MTCL1: variants seen among roughly 807,000 people sequenced by gnomAD.
MTCL1 encodes the protein microtubule cross-linking factor 1.
MTCL1 carries 79 observed loss-of-function variants against 141.4 expected under a neutral mutation model. The observed-to-expected ratio is 0.56, with a 90% confidence interval of 0.47 to 0.67. The LOEUF is 0.67. Ranked by LOEUF, MTCL1 falls within the 30% of genes least tolerant of loss-of-function variation. The pLI, the probability that MTCL1 is intolerant of heterozygous loss-of-function variation, is 0.00. For synonymous variants in MTCL1, 914 were observed against 875.8 expected, an observed-to-expected ratio of 1.04 and a Z score of -0.77; for missense variants, 2,177 against 2,113.9, an observed-to-expected ratio of 1.03 and a Z score of -0.59.
chr18:8,706,327 G>A (rs1326183035), exon 1 of MTCL1: 20 of 1,230,278 alleles, frequency 1.6e-5, no homozygotes, highest in Non-Finnish European at 2.0e-5. Context: ...CCTGTCCGAC[G>A]AGCAGCGCCT....
chr18:8,785,976 C>G, exon 7 of MTCL1: 1 of 1,602,414 alleles, frequency 6.2e-7, no homozygotes, highest in Non-Finnish European at 8.5e-7. Flanking sequence ...CTCGGGCCGG[C>G]CCGAGGGGAC....
chr18:8,727,009 T>C (rs947869378), intron 4 of MTCL1, among the ~76,000 whole-genome samples: 8 of 152,164 alleles, frequency 5.3e-5, no homozygotes, highest in Non-Finnish European at 1.0e-4. Flanking sequence ...GTGTCTATGT[T>C]TACCCATTGT....
chr18:8,706,855 G>A, intron 1 of MTCL1, 142 bp downstream of exon 1: 1 of 1,376,858 alleles, frequency 7.3e-7, no homozygotes, highest in Non-Finnish European at 9.4e-7. Flanking sequence ...GCATTGTCAG[G>A]CATTGGCAAC....
chr18:8,706,981 T>C, intron 1 of MTCL1: 1 of 480,182 alleles, frequency 2.1e-6, no homozygotes, highest in Admixed American at 4.1e-5. Flanking sequence ...ACTTTTACTT[T>C]TGTTGACCTG....
intron 4 of MTCL1, among the ~76,000 whole-genome samples, chr18:8,776,029 A>C (rs532659454): frequency 6.6e-6 from 1 of 152,310 alleles, no homozygotes; most frequent in Non-Finnish European, 1.5e-5. Flanking sequence ...TAATGAACTT[A>C]AGTTCTAACT....
At chr18:8,805,207 C>T (rs1436199429) in intron 10 of MTCL1, among the ~76,000 whole-genome samples, 1 of 151,794 alleles carries the variant, frequency 6.6e-6, no homozygotes, top group African/African-American at 2.4e-5. Flanking sequence ...GACCCTATCA[C>T]CTAAGTAGTG....
At chr18:8,737,935 ATCAT>A (rs2096282312) in intron 4 of MTCL1, among the ~76,000 whole-genome samples, 1 of 152,236 alleles carries the variant, frequency 6.6e-6, no homozygotes, top group Non-Finnish European at 1.5e-5. Flanking sequence ...TTAGGCAGCC[ATCAT>A]GTCAGTCTCG....
chr18:8,786,109 A>AACCCC lies in MTCL1; in HGVS notation c.1887+18_1887+19insACCCC. 7.4e-7 allele frequency: 1 copy of AACCCC among 1,342,526 alleles called. No individual in the cohort carries two copies. Among genetic ancestry groups the AACCCC allele is most frequent in the Non-Finnish European group, 9.8e-7 (1 of 1,022,224 alleles). The allele number at this position is 1,342,526 out of a possible 1,614,324, so 83.2% of individuals were successfully genotyped here. On this transcript the variant is annotated intron_variant, in intron 7 of 16. Transcript: ENST00000359865. The stretch of plus-strand genomic sequence containing the variant: ...GCCTGGAGGTCAGCGTGGGCAAGCA[A>AACCCC]TCCCCCCCCCCCGCCCTCCCCCTCC...
exon 6 of MTCL1, chr18:8,783,667 G>T (rs767459647): frequency 1.9e-6 from 3 of 1,612,358 alleles, no homozygotes; most frequent in Middle Eastern, 1.7e-4. Flanking sequence ...CCCTCTATGG[G>T]GATGTGGACA....
intron 4 of MTCL1, among the ~76,000 whole-genome samples, chr18:8,723,380 T>C (rs34834600): frequency 2.6e-5 from 4 of 152,244 alleles, no homozygotes; most frequent in African/African-American, 9.6e-5. Flanking sequence ...TTTTCTATTG[T>C]GCGCCTCACT....
chr18:8,769,624 G>A (rs1327193656), intron 4 of MTCL1, among the ~76,000 whole-genome samples: 1 of 152,252 alleles, frequency 6.6e-6, no homozygotes, highest in South Asian at 2.1e-4. Context: ...TTTGCTAGGG[G>A]GTGTGCTGGG....
upstream of MTCL1, among the ~76,000 whole-genome samples, chr18:8,716,361 C>A (rs998752871): frequency 1.6e-4 from 25 of 152,078 alleles, no homozygotes; most frequent in African/African-American, 5.3e-4. Flanking sequence ...GTGGAGAGAA[C>A]CTACATGCTG....
intron 4 of MTCL1, among the ~76,000 whole-genome samples, chr18:8,774,778 G>A (rs1234957227): frequency 2.6e-5 from 4 of 152,188 alleles, no homozygotes; most frequent in Non-Finnish European, 4.4e-5. Flanking sequence ...ATGAGCCACC[G>A]CCCCTGGCCT....
chr18:8,794,437 A>G (rs1047968019), intron 8 of MTCL1, among the ~76,000 whole-genome samples: 5 of 152,198 alleles, frequency 3.3e-5, no homozygotes, highest in Admixed American at 1.3e-4. Flanking sequence ...GGAACTGGAA[A>G]GGGCAGTGGA....
chr18:8,815,370 A>C (rs1283582884), intron 12 of MTCL1, among the ~76,000 whole-genome samples: 3 of 152,270 alleles, frequency 2.0e-5, no homozygotes, highest in African/African-American at 7.2e-5. Flanking sequence ...TGTCGCAAGG[A>C]CAAAAAACCG....
intron 3 of MTCL1, among the ~76,000 whole-genome samples, chr18:8,718,962 T>TTTTTTTTTTTTTTTTTTTTTTTG: frequency 6.6e-6 from 1 of 151,030 alleles, no homozygotes; most frequent in African/African-American, 2.5e-5. Flanking sequence ...ATATTTTTTT[T>TTTTTTTTTTTTTTTTTTTTTTTG]AAAAATCTAT....
At chr18:8,725,018 T>C (rs605789) in intron 4 of MTCL1, among the ~76,000 whole-genome samples, 61,213 of 150,876 alleles carry the variant, frequency 0.41, 13,350 homozygotes, top group Admixed American at 0.53. Flanking sequence ...CTACCTATAG[T>C]GGAATCTCTC....
upstream of MTCL1, among the ~76,000 whole-genome samples, chr18:8,716,568 CAT>C (rs1491364335): frequency 3.9e-3 from 422 of 108,734 alleles, 2 homozygotes; most frequent in African/African-American, 0.012. Flanking sequence ...TCTTTTTGTT[CAT>C]TTTTTTTTTT....
intron 11 of MTCL1, chr18:8,809,376 G>A (rs1468184320): frequency 2.1e-5 from 31 of 1,504,404 alleles, no homozygotes; most frequent in South Asian, 2.4e-5. Flanking sequence ...CAGAAATCAC[G>A]GATCTTTTTG....
Sources: allele counts gnomAD v4.1 joint callset (sites outside exome capture counted in the v4.1 genomes callset), GRCh38; gene constraint gnomAD v4.1.1; transcripts MANE v1.5; gene names NCBI Gene and HGNC (gene_info 2026-07-23, HGNC 2026-07-21).